The following DOCK3 variants were observed in gnomAD, a reference collection of about 807,000 sequenced individuals.
The protein encoded by DOCK3 is dedicator of cytokinesis 3, also known as dedicator of cytokinesis protein 3.
DOCK3 carries 60 observed loss-of-function variants against 265.6 expected under a neutral mutation model. That is an observed-to-expected ratio of 0.23 (90% CI 0.18 to 0.28). The LOEUF (loss-of-function observed/expected upper bound fraction) is 0.28, where lower values mean the gene tolerates loss of function less well. Ranked by LOEUF, DOCK3 falls within the 10% of genes least tolerant of loss-of-function variation. The probability of loss-of-function intolerance (pLI) is 1.00; values close to 1 mark genes in which losing one functional copy is unlikely to be tolerated. For synonymous variants in DOCK3, 881 were observed against 938.0 expected, an observed-to-expected ratio of 0.94 and a Z score of 1.11; for missense variants, 1,981 against 2,594.3, an observed-to-expected ratio of 0.76 and a Z score of 5.14.
rs774198496 is a variant in DOCK3 at position 50,708,614 on chromosome 3, G to C, written c.37+33314G>C. Among the ~76,000 whole-genome samples the C allele has an allele frequency of 2.6e-5, 4 of 152,208 alleles. 1 individual carries two copies. Among genetic ancestry groups the C allele is most frequent in the Non-Finnish European group, 5.9e-5 (4 of 68,038 alleles). Reference sequence around the variant, plus strand: ...GCAGTAATGCCTTCTCTGCAATAATGCCATTGTGTGGGCTCCTGAGATCTC... The same window carrying C: ...GCAGTAATGCCTTCTCTGCAATAATCCCATTGTGTGGGCTCCTGAGATCTC... On this transcript the variant is annotated intron_variant, in intron 1 of 52. Transcript: ENST00000266037.
chr3:50,762,260 G>GA (rs925568731), intron 1 of DOCK3, among the ~76,000 whole-genome samples: 35 of 144,234 alleles, frequency 2.4e-4, no homozygotes, highest in East Asian at 8.1e-4. Flanking sequence ...TATAAAAAAA[G>GA]AAAAAAAAAA....
At chr3:51,305,134 T>C (rs2082582769) in intron 27 of DOCK3, among the ~76,000 whole-genome samples, 1 of 152,246 alleles carries the variant, frequency 6.6e-6, no homozygotes, top group Non-Finnish European at 1.5e-5. Flanking sequence ...TTCTGTCTAG[T>C]TGTTCTGACT....
intron 3 of DOCK3, among the ~76,000 whole-genome samples, chr3:50,882,484 G>C (rs2107667485): frequency 6.6e-6 from 1 of 152,266 alleles, no homozygotes; most frequent in East Asian, 1.9e-4. Context: ...CTCAAAAGAA[G>C]ACATTTATGC....
At chr3:51,092,932 G>A (rs764430453) in intron 9 of DOCK3, among the ~76,000 whole-genome samples, 13 of 152,200 alleles carry the variant, frequency 8.5e-5, no homozygotes, top group Non-Finnish European at 1.9e-4. Flanking sequence ...TTATTAAATA[G>A]GGAATCATTT....
intron 24 of DOCK3, among the ~76,000 whole-genome samples, chr3:51,271,477 C>T (rs982468384): frequency 1.3e-5 from 2 of 151,934 alleles, no homozygotes; most frequent in African/African-American, 4.8e-5. Context: ...TTTAAAAGGT[C>T]GCTAATCTTG....
rs558784560 is a variant in DOCK3 at position 51,383,716 on chromosome 3, G to A, written c.*2157G>A. 2.0e-5 allele frequency: 3 copies of A among 152,634 alleles called. No homozygotes were observed. The highest frequency in any genetic ancestry group is 6.5e-5 in the Admixed American group (1 of 15,304). 9.5% of individuals were successfully genotyped at this position (152,634 alleles called of 1,614,324 possible). ...TGTTGGAGAATAAGTCAGTCTGAGG[G>A]GAAATGGGAGGCCAGAGATGAGAAC... On this transcript the variant is annotated 3_prime_UTR_variant, in exon 53 of 53. Transcript: ENST00000266037.
Position 51,351,651 on chromosome 3 carries a change from CTTTTT to C in DOCK3, c.4107+1277_4107+1281del, listed in dbSNP as rs150338641. Among the ~76,000 whole-genome samples the C allele has an allele frequency of 1.4e-4, 13 of 95,712 alleles. No individual in the cohort carries two copies. The East Asian group carries it at 2.9e-3, about 21-fold the overall frequency. The allele number at this position is 95,712 out of a possible 152,430, so 62.8% of individuals were successfully genotyped here. ...AGCAGAATGGGAATGAGTAGAGAGA[CTTTTT>C]TTTTTTTTTTTTTTTTTGAGACAGA... On this transcript the variant is annotated intron_variant, in intron 40 of 52. Transcript: ENST00000266037.
intron 3 of DOCK3, among the ~76,000 whole-genome samples, chr3:50,861,937 C>T (rs1220224044): frequency 6.9e-6 from 1 of 144,992 alleles, no homozygotes; most frequent in Non-Finnish European, 1.5e-5. Flanking sequence ...AAGGTTGATA[C>T]TGCTATGTAA....
intron 1 of DOCK3, among the ~76,000 whole-genome samples, chr3:50,692,100 G>A (rs1395466726): frequency 6.6e-6 from 1 of 151,896 alleles, no homozygotes; most frequent in African/African-American, 2.4e-5. Context: ...TTATTTTTTA[G>A]AGGTAATAGT....
chr3:51,090,260 A>G lies in DOCK3; in HGVS notation c.622A>G (p.Thr208Ala), dbSNP rs770094368. The change falls in exon 9 of 53, where the codon ACA becomes GCA. Residue 208 changes from threonine (T) to alanine (A), a missense_variant. This residue lies in a region of DOCK3 where 456 missense variants were observed against 539.0 expected (regional missense o/e 0.85). Transcript: ENST00000266037. ...VDTMRPRHGE[T>A]CRMPVPHHFF... Reference sequence around the variant, plus strand: ...TACAATGCGCCCACGTCATGGGGAAACATGTCGGATGCCAGTGCCACATCA... The same window carrying G: ...TACAATGCGCCCACGTCATGGGGAAGCATGTCGGATGCCAGTGCCACATCA... The G allele has an allele frequency of 1.3e-6, 2 of 1,596,878 alleles. No individual in the cohort carries two copies. The highest frequency in any genetic ancestry group is 1.7e-6 in the Non-Finnish European group (2 of 1,171,180).
intron 32 of DOCK3, among the ~76,000 whole-genome samples, chr3:51,318,933 T>C (rs1430970136): frequency 3.3e-5 from 5 of 152,158 alleles, no homozygotes; most frequent in Non-Finnish European, 7.4e-5. Flanking sequence ...AATTTACTTA[T>C]TAGTTCTGGA....
intron 23 of DOCK3, among the ~76,000 whole-genome samples, chr3:51,268,228 A>G (rs1341369693): frequency 6.6e-6 from 1 of 152,188 alleles, no homozygotes; most frequent in Non-Finnish European, 1.5e-5. Context: ...TTATATTAAA[A>G]CTACCTGACC....
intron 5 of DOCK3, among the ~76,000 whole-genome samples, chr3:50,948,398 A>AAT (rs1244572722): frequency 8.8e-6 from 1 of 113,030 alleles, no homozygotes; most frequent in Non-Finnish European, 1.7e-5. Context: ...TTGAAGTTTT[A>AAT]ATCTTTTTTT....
chr3:51,022,395 CT>C (rs894522971), intron 5 of DOCK3, among the ~76,000 whole-genome samples: 3 of 152,114 alleles, frequency 2.0e-5, no homozygotes, highest in Non-Finnish European at 4.4e-5. Context: ...GATTGGAGTT[CT>C]TAGCACTAAT....
At chr3:50,937,091 A>G (rs917007554) in intron 5 of DOCK3, among the ~76,000 whole-genome samples, 2 of 151,488 alleles carry the variant, frequency 1.3e-5, no homozygotes, top group African/African-American at 2.4e-5. Flanking sequence ...AGCCTGGCCA[A>G]TGTGGTGAAA....
chr3:50,886,216 G>A (rs1376066457), intron 3 of DOCK3, among the ~76,000 whole-genome samples: 1 of 136,810 alleles, frequency 7.3e-6, no homozygotes, highest in Non-Finnish European at 1.7e-5. Context: ...ATATTCCAGA[G>A]TTTTTAGGTA....
At chr3:50,949,154 A>G (rs543700419) in intron 5 of DOCK3, among the ~76,000 whole-genome samples, 63 of 152,336 alleles carry the variant, frequency 4.1e-4, no homozygotes, top group African/African-American at 1.3e-3. Context: ...CTATAAAAGA[A>G]AAAAGCTGAC....
At chr3:50,888,103 A>G (rs1170094915) in intron 3 of DOCK3, among the ~76,000 whole-genome samples, 1 of 152,192 alleles carries the variant, frequency 6.6e-6, no homozygotes, top group Non-Finnish European at 1.5e-5. Flanking sequence ...TTGTATATCT[A>G]GAAAACCCCA....
rs1168500198 is a variant in DOCK3, at chr3:50,725,638, ACCTACTCACCGTCTC to A, written c.37+50341_37+50355del. On this transcript the variant is annotated intron_variant, in intron 1 of 52. Transcript: ENST00000266037. ...CAAGGGTATTGTGGCACTTTTGCTTACCTACTCACCGTCTCCCATTCTTGGTGGCAGCAATGGGGA... is the reference window on the plus strand; with the variant it reads ...CAAGGGTATTGTGGCACTTTTGCTTACCATTCTTGGTGGCAGCAATGGGGA... Among the ~76,000 whole-genome samples the A allele has an allele frequency of 2.0e-5, 3 of 152,290 alleles. No homozygotes were observed. In the East Asian group the frequency reaches 5.8e-4, roughly 29 times the overall value.
Sources: allele counts gnomAD v4.1 joint callset (sites outside exome capture counted in the v4.1 genomes callset), GRCh38; gene constraint gnomAD v4.1.1; regional missense constraint gnomAD v4.1.1; transcripts MANE v1.5; gene names NCBI Gene and HGNC (gene_info 2026-07-23, HGNC 2026-07-21).